Variants in LARGE1 observed in about 807,000 individuals in gnomAD.
The protein encoded by LARGE1 is LARGE xylosyl- and glucuronyltransferase 1, also known as xylosyl- and glucuronyltransferase LARGE1.
LARGE1 carries 43 observed loss-of-function variants against 87.6 expected under a neutral mutation model. The ratio of observed to expected loss-of-function variants is 0.49; its 90% CI spans 0.38 to 0.63. The LOEUF is 0.63. Ranked by LOEUF, LARGE1 falls within the 30% of genes least tolerant of loss-of-function variation. The pLI is 0.00. For synonymous variants in LARGE1, 434 were observed against 394.6 expected (o/e 1.10, Z -1.18); for missense variants, 802 against 1,000.2 (o/e 0.80, Z 2.67).
chr22:33,108,248 T>G, the LARGE1 span, among the ~76,000 whole-genome samples: 7 of 152,134 alleles, frequency 4.6e-5, no homozygotes, highest in Admixed American at 6.5e-5. Flanking sequence ...TTCACTGAGT[T>G]TATATTATAT....
intron 5 of LARGE1, among the ~76,000 whole-genome samples, chr22:33,586,276 C>T (rs567480087): frequency 2.0e-5 from 3 of 152,188 alleles, no homozygotes; most frequent in Non-Finnish European, 4.4e-5. Context: ...CACACAAAGC[C>T]TCTATAAGTT....
At chr22:33,243,035 C>T (rs538793703) in intron 11 of LARGE1, among the ~76,000 whole-genome samples, 236 of 152,248 alleles carry the variant, frequency 1.6e-3, no homozygotes, top group Non-Finnish European at 2.8e-3. Flanking sequence ...CACCTTTCTC[C>T]AGGATGACCT....
At chr22:33,298,371 G>A (rs910458114) in intron 12 of LARGE1, among the ~76,000 whole-genome samples, 1 of 152,206 alleles carries the variant, frequency 6.6e-6, no homozygotes, top group Non-Finnish European at 1.5e-5. Flanking sequence ...GAATGTTTCG[G>A]GCATTCCTGG....
the LARGE1 span, among the ~76,000 whole-genome samples, chr22:33,122,515 T>C: frequency 6.6e-6 from 1 of 152,062 alleles, no homozygotes; most frequent in Non-Finnish European, 1.5e-5. Flanking sequence ...CCTATCACCA[T>C]GCCCAGATAA....
In LARGE1 at chr22:33,289,687, C is replaced by A. The variant is rs143697142; in HGVS notation, c.1731-6339G>T. 1.2e-4 allele frequency among the ~76,000 whole-genome samples: 19 copies of A among 152,260 alleles called. No homozygotes were observed. The East Asian group carries it at 3.7e-3, about 29-fold the overall frequency. On this transcript the variant is annotated intron_variant, in intron 12 of 14. Coordinates refer to ENST00000397394, the MANE Select transcript of LARGE1 (RefSeq NM_133642.5). ...GAACTTATGAGATCTCGGTCTCTAGCCAGCCCTCTGAGTCCCTCTTTGTAA... is the reference window on the plus strand; with the variant it reads ...GAACTTATGAGATCTCGGTCTCTAGACAGCCCTCTGAGTCCCTCTTTGTAA...
At chr22:33,084,845 G>GA in the LARGE1 span, among the ~76,000 whole-genome samples, 1 of 152,060 alleles carries the variant, frequency 6.6e-6, no homozygotes, top group Non-Finnish European at 1.5e-5. Flanking sequence ...CAACTAGATA[G>GA]TTCACATTCT....
chr22:33,373,508 C>T lies in LARGE1; in HGVS notation c.1131+8411G>A, dbSNP rs192374575. On this transcript the variant is annotated intron_variant, in intron 9 of 14. Coordinates refer to ENST00000397394, the MANE Select transcript of LARGE1 (RefSeq NM_133642.5). ...TTTTCAGATTCATGTCTCAGAAGTT[C>T]AACTTTTGCTATATCTTGCTGCATG... Among the ~76,000 whole-genome samples, 5 of 152,218 alleles carry T rather than the reference C, an allele frequency of 3.3e-5. No homozygotes were observed. In the East Asian group the frequency reaches 9.7e-4, roughly 29 times the overall value.
chr22:33,688,125 C>G (rs2081995556), intron 2 of LARGE1, among the ~76,000 whole-genome samples: 1 of 152,160 alleles, frequency 6.6e-6, no homozygotes, highest in Non-Finnish European at 1.5e-5. Context: ...ACCCTGAAGC[C>G]AGGCTCCTTG....
At chr22:33,124,013 C>T in the LARGE1 span, among the ~76,000 whole-genome samples, 4 of 152,160 alleles carry the variant, frequency 2.6e-5, no homozygotes, top group African/African-American at 9.7e-5. Context: ...TGGCCAGGCA[C>T]GATGGCTCAC....
chr22:33,366,942 T>C (rs2064616703), intron 9 of LARGE1, among the ~76,000 whole-genome samples: 1 of 152,222 alleles, frequency 6.6e-6, no homozygotes, highest in East Asian at 1.9e-4. Context: ...AAAAAATTGG[T>C]AGAACTTATT....
chr22:33,537,822 C>T (rs769945944), intron 6 of LARGE1, among the ~76,000 whole-genome samples: 9 of 152,156 alleles, frequency 5.9e-5, no homozygotes, highest in East Asian at 3.9e-4. Flanking sequence ...CCACCCGCCT[C>T]GGCCTCCCAA....
intron 1 of LARGE1, among the ~76,000 whole-genome samples, chr22:33,917,603 T>C (rs944867070): frequency 6.6e-6 from 1 of 152,168 alleles, no homozygotes; most frequent in African/African-American, 2.4e-5. Context: ...CCAAAAGTGT[T>C]GATTACAAAC....
chr22:33,501,708 C>T (rs534453454), intron 6 of LARGE1, among the ~76,000 whole-genome samples: 1 of 152,288 alleles, frequency 6.6e-6, no homozygotes, highest in East Asian at 1.9e-4. Flanking sequence ...GCGGCCTGGA[C>T]TATGACTCTC....
chr22:33,683,711 G>C (rs547946799), intron 2 of LARGE1, among the ~76,000 whole-genome samples: 49 of 151,680 alleles, frequency 3.2e-4, no homozygotes, highest in Non-Finnish European at 6.5e-4. Context: ...AGAATGGTTA[G>C]GCAATATACC....
chr22:33,502,323 T>C (rs952276205), intron 6 of LARGE1, among the ~76,000 whole-genome samples: 2 of 151,752 alleles, frequency 1.3e-5, no homozygotes, highest in Non-Finnish European at 2.9e-5. Context: ...GATGGTCGCC[T>C]AGGAAACAGA....
At chr22:33,640,848 GC>G (rs2080407294) in intron 3 of LARGE1, among the ~76,000 whole-genome samples, 1 of 152,194 alleles carries the variant, frequency 6.6e-6, no homozygotes, top group Non-Finnish European at 1.5e-5. Context: ...AGCACCTGGG[GC>G]CAGACTGTCT....
At chr22:33,134,478 C>A in the LARGE1 span, among the ~76,000 whole-genome samples, 1 of 152,164 alleles carries the variant, frequency 6.6e-6, no homozygotes. Context: ...AGGATGATAT[C>A]AATCTCCTGA....
At chr22:33,106,411 C>T in the LARGE1 span, among the ~76,000 whole-genome samples, 5 of 152,184 alleles carry the variant, frequency 3.3e-5, no homozygotes, top group Non-Finnish European at 7.3e-5. Flanking sequence ...TCACAAGAGT[C>T]CAGGTGGGAG....
intron 1 of LARGE1, among the ~76,000 whole-genome samples, chr22:33,846,362 T>C (rs2063429722): frequency 6.6e-6 from 1 of 152,250 alleles, no homozygotes; most frequent in Non-Finnish European, 1.5e-5. Context: ...ACCCTTGTGA[T>C]TTCTTATGCC....
Sources: gnomAD v4.1 joint callset for allele counts (sites outside exome capture counted in the v4.1 genomes callset) on GRCh38, gnomAD v4.1.1 for gene constraint, MANE v1.5 for transcripts, NCBI Gene and HGNC (gene_info 2026-07-23, HGNC 2026-07-21) for gene names.